GRIN2A: variants seen among roughly 807,000 people sequenced by gnomAD.
GRIN2A encodes glutamate ionotropic receptor NMDA type subunit 2A.
Under a neutral mutation model 113.4 loss-of-function variants are expected in GRIN2A, and 22 were observed. The observed-to-expected ratio is 0.19, with a 90% CI of 0.14 to 0.28. GRIN2A has a LOEUF of 0.28. GRIN2A is among the 10% of genes least tolerant of loss of function. The probability of loss-of-function intolerance (pLI) is 1.00; values close to 1 mark genes in which losing one functional copy is unlikely to be tolerated. For synonymous variants in GRIN2A, 827 were observed against 738.4 expected, an observed-to-expected ratio of 1.12 and a Z score of -1.94; for missense variants, 1,502 against 1,887.0, an observed-to-expected ratio of 0.80 and a Z score of 3.78.
At chr16:10,135,095 T>G (rs2049164628) in intron 2 of GRIN2A, among the ~76,000 whole-genome samples, 1 of 152,182 alleles carries the variant, frequency 6.6e-6, no homozygotes, top group African/African-American at 2.4e-5. Flanking sequence ...TCAATCTCTT[T>G]CCTCTCACAT....
chr16:9,897,820 C>T (rs1042166851), intron 3 of GRIN2A, among the ~76,000 whole-genome samples: 3 of 152,090 alleles, frequency 2.0e-5, no homozygotes, highest in Non-Finnish European at 2.9e-5. Context: ...AACTGGTAGA[C>T]TGTAATCATG....
intron 3 of GRIN2A, among the ~76,000 whole-genome samples, chr16:9,904,473 G>A (rs2043990684): frequency 6.6e-6 from 1 of 152,146 alleles, no homozygotes; most frequent in South Asian, 2.1e-4. Context: ...CCGGGTTCAA[G>A]CAATTCTCAT....
chr16:10,055,578 C>G (rs2047445362), intron 2 of GRIN2A, among the ~76,000 whole-genome samples: 1 of 152,230 alleles, frequency 6.6e-6, no homozygotes, highest in Non-Finnish European at 1.5e-5. Context: ...TTTGTCACAT[C>G]TGATGAAGTG....
chr16:9,940,577 T>A lies in GRIN2A; in HGVS notation c.415-2026A>T, dbSNP rs1045821955. Among the ~76,000 whole-genome samples the A allele has an allele frequency of 2.6e-5, 4 of 152,292 alleles. No individual in the cohort carries two copies. In the South Asian group the frequency reaches 8.3e-4, roughly 32 times the overall value. ...AAGTCTTGGCACACCCATAAGTGGA[T>A]GACAAGGGAATGAAGATGTGAATGA... On this transcript the variant is annotated intron_variant, in intron 2 of 12. Transcript: ENST00000330684.
intron 2 of GRIN2A, among the ~76,000 whole-genome samples, chr16:10,069,438 C>T (rs1262265662): frequency 6.6e-6 from 1 of 152,198 alleles, no homozygotes; most frequent in Non-Finnish European, 1.5e-5. Flanking sequence ...ACAACACACA[C>T]ACCAGGCTCA....
chr16:9,992,362 G>T (rs1048843271), intron 2 of GRIN2A, among the ~76,000 whole-genome samples: 1 of 152,156 alleles, frequency 6.6e-6, no homozygotes, highest in Non-Finnish European at 1.5e-5. Flanking sequence ...ATGTGAAGAT[G>T]GAACAGGGAA....
intron 2 of GRIN2A, among the ~76,000 whole-genome samples, chr16:10,104,640 T>A (rs755781992): frequency 3.7e-4 from 57 of 152,190 alleles, no homozygotes; most frequent in Non-Finnish European, 7.3e-4. Context: ...GATTGGATTC[T>A]CCAGGGTGCG....
intron 2 of GRIN2A, among the ~76,000 whole-genome samples, chr16:10,005,173 T>G (rs1277324353): frequency 6.6e-6 from 1 of 152,202 alleles, no homozygotes; most frequent in African/African-American, 2.4e-5. Flanking sequence ...GCAACATGCA[T>G]CAAAGTAATT....
intron 2 of GRIN2A, among the ~76,000 whole-genome samples, chr16:10,047,261 T>C (rs749771152): frequency 1.6e-4 from 25 of 152,250 alleles, no homozygotes; most frequent in Non-Finnish European, 3.7e-4. Flanking sequence ...TGGTAGCAGA[T>C]AGATCTAGGT....
At chr16:10,164,770 T>C (rs1000417452) in intron 2 of GRIN2A, among the ~76,000 whole-genome samples, 4 of 152,200 alleles carry the variant, frequency 2.6e-5, no homozygotes. Flanking sequence ...ATGAGAAATA[T>C]CAAAGCAGTT....
chr16:9,881,537 C>T (rs965228814), intron 4 of GRIN2A, among the ~76,000 whole-genome samples: 3 of 152,194 alleles, frequency 2.0e-5, no homozygotes, highest in African/African-American at 7.2e-5. Flanking sequence ...GCCTTTACAT[C>T]TTTCCCAAGG....
chr16:10,044,006 T>TATAC (rs1259945558), intron 2 of GRIN2A, among the ~76,000 whole-genome samples: 814 of 76,052 alleles, frequency 0.011, 8 homozygotes, highest in African/African-American at 0.045. Flanking sequence ...TGTGTGTGTG[T>TATAC]GTATATATAT....
intron 4 of GRIN2A, among the ~76,000 whole-genome samples, chr16:9,853,417 G>T (rs540979721): frequency 6.6e-6 from 1 of 152,232 alleles, no homozygotes; most frequent in South Asian, 2.1e-4. Context: ...GCCCCAGAGA[G>T]ACCCATTGCC....
chr16:9,844,182 T>G (rs1285858675), intron 5 of GRIN2A, among the ~76,000 whole-genome samples: 2 of 152,142 alleles, frequency 1.3e-5, no homozygotes, highest in African/African-American at 4.8e-5. Context: ...CACAGGCATA[T>G]AGTGGCATTC....
Position 9,763,425 on chromosome 16 carries a change from A to C in GRIN2A, c.4119T>G (p.Asp1373Glu), listed in dbSNP as rs2141126455. The C allele has an allele frequency of 6.2e-7, 1 of 1,614,118 alleles. No individual in the cohort carries two copies. Among genetic ancestry groups the C allele is most frequent in the Non-Finnish European group, 8.5e-7 (1 of 1,179,988 alleles). Residue 1373 changes from aspartate to glutamate, a missense_variant, in exon 13 of 13, where the codon GAT (aspartate) becomes GAG (glutamate). This residue lies in a region of GRIN2A where 832 missense variants were observed against 789.7 expected (regional missense o/e 1.05). Transcript: ENST00000330684. ...ATCTCCCAATAACCAAGCGTTGGTC[A>C]TCCCTGTGGGAGTGGAGGAAAGGGT... The part of the protein sequence containing the change: ...SDNPFLHSHR[D>E]DQRLVIGRCP...
chr16:10,109,944 A>C (rs1333035563), intron 2 of GRIN2A, among the ~76,000 whole-genome samples: 1 of 151,998 alleles, frequency 6.6e-6, no homozygotes, highest in Non-Finnish European at 1.5e-5. Flanking sequence ...GTACATGTGC[A>C]CAATGTGCAG....
chr16:9,901,652 G>T (rs2141518648), intron 3 of GRIN2A, among the ~76,000 whole-genome samples: 1 of 152,066 alleles, frequency 6.6e-6, no homozygotes. Context: ...GTAGAGAAGG[G>T]GTTGGTCAGG....
chr16:10,111,339 C>A (rs561948750), intron 2 of GRIN2A: 5 of 395,692 alleles, frequency 1.3e-5, no homozygotes, highest in Non-Finnish European at 4.8e-6. Context: ...CAGCGGCAGG[C>A]GGCCGCGCGG....
chr16:9,989,666 C>G (rs2046062116), intron 2 of GRIN2A, among the ~76,000 whole-genome samples: 1 of 151,772 alleles, frequency 6.6e-6, no homozygotes, highest in Non-Finnish European at 1.5e-5. Flanking sequence ...TATTCAGAAG[C>G]TATAAGGAAC....
Sources: allele counts gnomAD v4.1 joint callset (sites outside exome capture counted in the v4.1 genomes callset), GRCh38; gene constraint gnomAD v4.1.1; regional missense constraint gnomAD v4.1.1; transcripts MANE v1.5; gene names NCBI Gene and HGNC (gene_info 2026-07-23, HGNC 2026-07-21).